EIPR1: variants seen among roughly 807,000 people sequenced by gnomAD.
The protein encoded by EIPR1 is EARP and GARP complex-interacting protein 1.
A neutral mutation model predicts 48.1 loss-of-function variants in EIPR1; 25 were observed. The ratio of observed to expected loss-of-function variants is 0.52; its 90% CI spans 0.38 to 0.73. The LOEUF (loss-of-function observed/expected upper bound fraction) is 0.73. Among genes scored for constraint, EIPR1 ranks in the 30% least tolerant of loss-of-function variants. The pLI is 0.00. For synonymous variants in EIPR1, 204 were observed against 201.9 expected, an observed-to-expected ratio of 1.01 and a Z score of -0.09; for missense variants, 415 against 506.2, an observed-to-expected ratio of 0.82 and a Z score of 1.73.
intron 5 of EIPR1, chr2:3,208,690 C>G: frequency 6.4e-7 from 1 of 1,550,468 alleles, no homozygotes; most frequent in African/African-American, 1.4e-5. Flanking sequence ...CCCAATTCCC[C>G]CAGGAAACAC....
In EIPR1 at chr2:3,318,399, A is replaced by C. The variant is rs7563810; in HGVS notation, c.259+19618T>G. Among the ~76,000 whole-genome samples the C allele has an allele frequency of 9.9e-5, 15 of 152,178 alleles. No individual in the cohort carries two copies. The South Asian group carries it at 3.1e-3, about 32-fold the overall frequency. Reference sequence around the variant, plus strand: ...CTCCAGGGACCAAGTCTTATTTCACATCTTCATTAGTGATCTGGAAGGAGC... The same window carrying C: ...CTCCAGGGACCAAGTCTTATTTCACCTCTTCATTAGTGATCTGGAAGGAGC... On this transcript the variant is annotated intron_variant, in intron 3 of 8. Transcript: ENST00000382125.
chr2:3,368,706 G>C (rs1408373947), intron 1 of EIPR1, among the ~76,000 whole-genome samples: 4 of 152,226 alleles, frequency 2.6e-5, no homozygotes. Flanking sequence ...AACTACTGTT[G>C]TGTTAACTGA....
In EIPR1 at chr2:3,363,934, G is replaced by C. The variant is rs151267476; in HGVS notation, c.43-9301C>G. On this transcript the variant is annotated intron_variant, in intron 1 of 8. Transcript: ENST00000382125. ...ACATGCCCAACATCACTAACTGTCA[G>C]AGAAATGCAAATCAAAACCATAATG... Among the ~76,000 whole-genome samples, 622 of 152,038 alleles carry C rather than the reference G, an allele frequency of 4.1e-3. 2 individuals carry two copies. The highest frequency in any genetic ancestry group is 6.0e-3 in the Non-Finnish European group (407 of 68,004).
At chr2:3,232,592 G>A (rs903140185) in intron 4 of EIPR1, among the ~76,000 whole-genome samples, 10 of 152,082 alleles carry the variant, frequency 6.6e-5, no homozygotes, top group African/African-American at 1.2e-4. Flanking sequence ...TAGAATTTAC[G>A]TTGAGGTGCA....
At chr2:3,268,818 G>A (rs1398620550) in intron 3 of EIPR1, among the ~76,000 whole-genome samples, 2 of 152,150 alleles carry the variant, frequency 1.3e-5, no homozygotes, top group Non-Finnish European at 2.9e-5. Context: ...GAGCAGGTGG[G>A]GGCATCTTCA....
intron 5 of EIPR1, among the ~76,000 whole-genome samples, chr2:3,205,549 G>A (rs1048168548): frequency 2.0e-5 from 3 of 152,238 alleles, no homozygotes; most frequent in Non-Finnish European, 2.9e-5. Context: ...CAAGCTTCTT[G>A]TTATAGCAGA....
intron 3 of EIPR1, among the ~76,000 whole-genome samples, chr2:3,283,943 C>CT (rs1216927846): frequency 4.3e-5 from 3 of 68,970 alleles, no homozygotes; most frequent in Admixed American, 1.6e-4. Flanking sequence ...GAGACTACAT[C>CT]TAAAAAAAAA....
rs1197886672 is a variant in EIPR1 at position 3,196,939 on chromosome 2, T to G, written c.595A>C (p.Thr199Pro). Residue 199 changes from threonine (T) to proline (P), a missense_variant, in exon 6 of 9, where the codon ACC becomes CCC. By Grantham distance (38) the Thr-to-Pro change is conservative. Coordinates refer to ENST00000382125, the MANE Select transcript of EIPR1 (RefSeq NM_003310.5). Reference sequence around the variant, plus strand: ...GTGTCGTTCGCTGTGGCCACCTGGGTGCAGTTATGATGTGGGCTCCACCGT... The same window carrying G: ...GTGTCGTTCGCTGTGGCCACCTGGGGGCAGTTATGATGTGGGCTCCACCGT... The part of the protein sequence containing the change: ...SGRWSPHHNC[T>P]QVATANDTTL... 11 of 1,613,852 alleles carry G rather than the reference T, an allele frequency of 6.8e-6. No homozygotes were observed. The highest frequency in any genetic ancestry group is 9.3e-6 in the Non-Finnish European group (11 of 1,180,030).
chr2:3,345,817 C>T (rs1670382431), intron 2 of EIPR1, among the ~76,000 whole-genome samples: 1 of 152,036 alleles, frequency 6.6e-6, no homozygotes, highest in Admixed American at 6.6e-5. Context: ...GGCCCCGGGG[C>T]ACCACGCTTA....
intron 2 of EIPR1, among the ~76,000 whole-genome samples, chr2:3,352,506 C>A (rs928922590): frequency 6.6e-6 from 1 of 151,850 alleles, no homozygotes; most frequent in Non-Finnish European, 1.5e-5. Flanking sequence ...CCCTGAGCCA[C>A]CCACACTGTC....
intron 3 of EIPR1, among the ~76,000 whole-genome samples, chr2:3,294,286 AC>A (rs1221755527): frequency 6.7e-6 from 1 of 149,760 alleles, no homozygotes; most frequent in Admixed American, 6.6e-5. Context: ...CTCCCTACAC[AC>A]ACACACCCTC....
intron 5 of EIPR1, among the ~76,000 whole-genome samples, chr2:3,212,127 T>A (rs956717239): frequency 3.3e-5 from 5 of 152,156 alleles, no homozygotes; most frequent in African/African-American, 9.7e-5. Flanking sequence ...AATACCACAG[T>A]GGAGGGCCAC....
intron 4 of EIPR1, among the ~76,000 whole-genome samples, chr2:3,216,896 T>C (rs796337911): frequency 3.0e-4 from 46 of 152,330 alleles, no homozygotes; most frequent in African/African-American, 9.6e-4. Context: ...ATTTGGAAAA[T>C]AGTCAACAAC....
intron 3 of EIPR1, among the ~76,000 whole-genome samples, chr2:3,295,999 C>T (rs1572408866): frequency 4.3e-5 from 5 of 117,644 alleles, no homozygotes; most frequent in East Asian, 3.2e-4. Flanking sequence ...TCCAGCCCAT[C>T]CTCTCTCTAC....
At chr2:3,249,070 A>G (rs1339600376) in intron 4 of EIPR1, among the ~76,000 whole-genome samples, 1 of 152,260 alleles carries the variant, frequency 6.6e-6, no homozygotes, top group Admixed American at 6.5e-5. Context: ...TGCTACGAAG[A>G]TGCTTGAAAA....
intron 3 of EIPR1, chr2:3,301,468 G>A (rs919522850): frequency 3.3e-5 from 5 of 152,048 alleles, no homozygotes; most frequent in Admixed American, 3.3e-4. Context: ...CCTGCCAGGG[G>A]ACAGCCATCT....
intron 1 of EIPR1, among the ~76,000 whole-genome samples, chr2:3,364,054 C>T (rs1354708493): frequency 6.6e-6 from 1 of 152,130 alleles, no homozygotes; most frequent in Admixed American, 6.6e-5. Context: ...CCCTCATACA[C>T]TATTGATGGG....
rs574024986 is a variant in EIPR1, at chr2:3,356,191, G to C, written c.43-1558C>G. 1.2e-3 allele frequency among the ~76,000 whole-genome samples: 182 copies of C among 152,294 alleles called. 2 individuals are homozygous for C. Among genetic ancestry groups the C allele is most frequent in the Admixed American group, 2.2e-3 (33 of 15,292 alleles). ...ATACCACCCAACCCCTACCCCCATG[G>C]GTCAGTCACTGGATGCAGGCTTTTC... On this transcript the variant is annotated intron_variant, in intron 1 of 8. Coordinates refer to ENST00000382125, the MANE Select transcript of EIPR1 (RefSeq NM_003310.5).
intron 4 of EIPR1, among the ~76,000 whole-genome samples, chr2:3,252,992 G>A (rs1667048215): frequency 1.3e-5 from 2 of 152,218 alleles, no homozygotes; most frequent in Non-Finnish European, 2.9e-5. Context: ...GGCCATGATG[G>A]GAAGTGGGGA....
Sources: allele counts gnomAD v4.1 joint callset (sites outside exome capture counted in the v4.1 genomes callset), GRCh38; gene constraint gnomAD v4.1.1; transcripts MANE v1.5; gene names NCBI Gene and HGNC (gene_info 2026-07-23, HGNC 2026-07-21).